Variants in LRCH1 observed in about 807,000 individuals in gnomAD.
LRCH1 encodes the protein leucine-rich repeat and calponin homology domain-containing protein 1.
LRCH1 carries 23 observed loss-of-function variants against 94.9 expected under a neutral mutation model. The ratio of observed to expected loss-of-function variants is 0.24; its 90% CI spans 0.17 to 0.34. LRCH1 has a LOEUF of 0.34. Among genes scored for constraint, LRCH1 ranks in the 10% least tolerant of loss-of-function variants. The probability of loss-of-function intolerance (pLI) is 1.00; values close to 1 mark genes in which losing one functional copy is unlikely to be tolerated. For synonymous variants in LRCH1, 364 were observed against 354.9 expected (o/e 1.03, Z -0.29); for missense variants, 790 against 945.9 (o/e 0.84, Z 2.16).
chr13:46,642,195 G>T (rs1005527859), intron 1 of LRCH1, among the ~76,000 whole-genome samples: 2 of 152,228 alleles, frequency 1.3e-5, no homozygotes, highest in African/African-American at 4.8e-5. Flanking sequence ...TTAGTACAGA[G>T]CTATAGAAAC....
chr13:46,711,968 C>T (rs530373164), intron 14 of LRCH1, 124 bp downstream of exon 14: 12 of 660,716 alleles, frequency 1.8e-5, no homozygotes, highest in South Asian at 1.3e-4. Context: ...TGGGGGAATC[C>T]GTCTAACTCT....
rs139162554 is a variant in LRCH1, at chr13:46,678,425, C to T, written c.580-3316C>T. ...TGCACTATTTCTACAATATTGATTA[C>T]ACAGTAGTGAAATGTTATCTTATGT... On this transcript the variant is annotated intron_variant, in intron 3 of 19. Coordinates refer to ENST00000389797, the MANE Select transcript of LRCH1 (RefSeq NM_001164211.2). 9.1e-4 allele frequency among the ~76,000 whole-genome samples: 139 copies of T among 152,316 alleles called. 2 individuals carry two copies. Among genetic ancestry groups the T allele is most frequent in the Middle Eastern group, 6.8e-3 (2 of 294 alleles).
chr13:46,673,230 C>A (rs1348039523), intron 3 of LRCH1, among the ~76,000 whole-genome samples: 2 of 152,106 alleles, frequency 1.3e-5, no homozygotes, highest in African/African-American at 2.4e-5. Flanking sequence ...AGTGGCCACC[C>A]TCCTGGATTC....
chr13:46,636,505 C>T (rs1459689783), intron 1 of LRCH1, among the ~76,000 whole-genome samples: 1 of 152,066 alleles, frequency 6.6e-6, no homozygotes, highest in Admixed American at 6.6e-5. Flanking sequence ...CCTCATTTTT[C>T]CCTCCTCCAA....
In LRCH1 at chr13:46,701,603, C is replaced by T. The variant is rs117151418; in HGVS notation, c.1400+396C>T. Among the ~76,000 whole-genome samples, 1,063 of 152,168 alleles carry T rather than the reference C, an allele frequency of 7.0e-3. 11 individuals carry two copies. The highest frequency in any genetic ancestry group is 8.8e-3 in the Non-Finnish European group (598 of 67,992). ...GAAAGAATTGGTATATCAAGTAGTA[C>T]TGTATTTATATGGGGTAGTGCCAAA... On this transcript the variant is annotated intron_variant, in intron 11 of 19. Transcript: ENST00000389797.
chr13:46,602,958 A>ACATGCATACATGCATGCATG (rs2050644345), intron 1 of LRCH1, among the ~76,000 whole-genome samples: 1 of 90,818 alleles, frequency 1.1e-5, no homozygotes, highest in Non-Finnish European at 2.2e-5. Flanking sequence ...ACAAATACAT[A>ACATGCATACATGCATGCATG]CATGCATACA....
At chr13:46,585,311 C>G (rs2050419280) in intron 1 of LRCH1, among the ~76,000 whole-genome samples, 1 of 152,184 alleles carries the variant, frequency 6.6e-6, no homozygotes, top group African/African-American at 2.4e-5. Context: ...GGCGTGGTGG[C>G]TCACGCCTGT....
chr13:46,623,050 A>G (rs928844809), intron 1 of LRCH1, among the ~76,000 whole-genome samples: 1 of 152,122 alleles, frequency 6.6e-6, no homozygotes, highest in African/African-American at 2.4e-5. Context: ...CTTTTAGTGT[A>G]GTTAAAAGAT....
chr13:46,683,311 C>T (rs187959199), intron 4 of LRCH1, among the ~76,000 whole-genome samples: 1 of 152,292 alleles, frequency 6.6e-6, no homozygotes, highest in East Asian at 1.9e-4. Context: ...AGGTTCAAGT[C>T]CGCTTGCCAT....
downstream of LRCH1, among the ~76,000 whole-genome samples, chr13:46,748,306 A>T (rs1873991599): frequency 6.7e-6 from 1 of 149,490 alleles, no homozygotes; most frequent in Admixed American, 6.7e-5. Context: ...TCAACTCTTT[A>T]TTTGATTTCA....
chr13:46,670,532 C>T (rs1364667424), intron 3 of LRCH1, among the ~76,000 whole-genome samples: 1 of 152,198 alleles, frequency 6.6e-6, no homozygotes, highest in Non-Finnish European at 1.5e-5. Context: ...CTGATGTTCT[C>T]GCCGACTGAG....
chr13:46,660,652 T>C (rs2051436483), intron 2 of LRCH1, among the ~76,000 whole-genome samples: 1 of 152,242 alleles, frequency 6.6e-6, no homozygotes, highest in African/African-American at 2.4e-5. Flanking sequence ...TCACATGCTT[T>C]CCTGGTCACT....
intron 1 of LRCH1, among the ~76,000 whole-genome samples, chr13:46,639,644 A>G (rs904031402): frequency 2.6e-5 from 4 of 152,074 alleles, no homozygotes; most frequent in Non-Finnish European, 4.4e-5. Context: ...CCTTCCTCTC[A>G]TGCTATCTGC....
At chr13:46,662,923 T>A (rs967324159) in intron 2 of LRCH1, among the ~76,000 whole-genome samples, 1 of 152,216 alleles carries the variant, frequency 6.6e-6, no homozygotes, top group African/African-American at 2.4e-5. Context: ...GCAGTTCTCT[T>A]TTCTAAAGTT....
At chr13:46,733,281 C>G (rs1282748613) in intron 18 of LRCH1, among the ~76,000 whole-genome samples, 4 of 152,226 alleles carry the variant, frequency 2.6e-5, no homozygotes, top group African/African-American at 9.7e-5. Flanking sequence ...CAGAGGCCAT[C>G]TATAACCAAG....
intron 16 of LRCH1, among the ~76,000 whole-genome samples, chr13:46,717,999 C>G (rs1242065048): frequency 6.6e-6 from 1 of 152,230 alleles, no homozygotes; most frequent in Admixed American, 6.5e-5. Flanking sequence ...GTAGGTTTCT[C>G]TGGGCCCACC....
chr13:46,720,330 C>G (rs971533363), intron 16 of LRCH1, among the ~76,000 whole-genome samples: 2 of 151,040 alleles, frequency 1.3e-5, no homozygotes, highest in Non-Finnish European at 3.0e-5. Flanking sequence ...GAGGTTGCAG[C>G]GAGCCGAGAT....
At chr13:46,681,633 T>C (rs921610920) in intron 3 of LRCH1, 108 bp from the exon 4 acceptor site, 3 of 752,270 alleles carry the variant, frequency 4.0e-6, no homozygotes, top group East Asian at 2.6e-5. Flanking sequence ...TATAAAAGTG[T>C]ACCTGTGTAG....
intron 3 of LRCH1, among the ~76,000 whole-genome samples, chr13:46,671,527 G>C (rs1321293736): frequency 2.0e-5 from 3 of 152,296 alleles, no homozygotes; most frequent in African/African-American, 7.2e-5. Flanking sequence ...TGGGGCTGAG[G>C]GGGCAGGAAG....
Sources: gnomAD v4.1 joint callset for allele counts (sites outside exome capture counted in the v4.1 genomes callset) on GRCh38, gnomAD v4.1.1 for gene constraint, MANE v1.5 for transcripts, NCBI Gene and HGNC (gene_info 2026-07-23, HGNC 2026-07-21) for gene names.